Variants in KATNAL1 observed in about 807,000 individuals in gnomAD.
KATNAL1 encodes katanin p60 ATPase-containing subunit A-like 1.
A neutral mutation model predicts 55.2 loss-of-function variants in KATNAL1; 32 were observed. The observed-to-expected ratio is 0.58, with a 90% CI of 0.44 to 0.78. The LOEUF is 0.78. KATNAL1 is among the 30% of genes least tolerant of loss of function. The pLI, the probability that KATNAL1 is intolerant of heterozygous loss-of-function variation, is 0.00. For synonymous variants in KATNAL1, 193 were observed against 193.6 expected (o/e 1.00, Z 0.02); for missense variants, 466 against 600.9 (o/e 0.78, Z 2.35).
chr13:30,221,095 A>G (rs1434392610), intron 9 of KATNAL1, among the ~76,000 whole-genome samples: 1 of 152,244 alleles, frequency 6.6e-6, no homozygotes. Context: ...AAAAGATAAT[A>G]TAAGATGGAA....
intron 9 of KATNAL1, among the ~76,000 whole-genome samples, chr13:30,213,195 C>T (rs568318813): frequency 5.3e-4 from 81 of 152,236 alleles, no homozygotes; most frequent in Middle Eastern, 3.4e-3. Flanking sequence ...AATTCCTCGA[C>T]ACATACACCC....
In KATNAL1 at chr13:30,221,690, C is replaced by T. The variant is rs533304855; in HGVS notation, c.1147+5722G>A. Among the ~76,000 whole-genome samples the T allele has an allele frequency of 2.0e-5, 3 of 152,252 alleles. No homozygotes were observed. The East Asian group carries it at 5.8e-4, about 29-fold the overall frequency. ...GAGTGGCGTAGCTAGAAAGTTCCAG[C>T]TTGGGGTCTGTGATGGTTAATTTTA... On this transcript the variant is annotated intron_variant, in intron 9 of 10. Transcript: ENST00000380615.
intron 1 of KATNAL1, among the ~76,000 whole-genome samples, chr13:30,301,311 T>C (rs1488537581): frequency 6.6e-6 from 1 of 152,056 alleles, no homozygotes; most frequent in African/African-American, 2.4e-5. Flanking sequence ...GAGGTTGCAG[T>C]GAGCCGAGAT....
At chr13:30,245,966 A>C (rs1877753755) in intron 4 of KATNAL1, among the ~76,000 whole-genome samples, 1 of 152,228 alleles carries the variant, frequency 6.6e-6, no homozygotes, top group Non-Finnish European at 1.5e-5. Flanking sequence ...AAATGGCCAT[A>C]CTGCCCAACG....
intron 1 of KATNAL1, among the ~76,000 whole-genome samples, chr13:30,288,703 C>G (rs193253655): frequency 5.9e-5 from 9 of 152,322 alleles, no homozygotes; most frequent in African/African-American, 2.2e-4. Context: ...ACAGCAGTTT[C>G]TCACATTCAG....
chr13:30,287,376 G>C (rs1215708521), intron 1 of KATNAL1, among the ~76,000 whole-genome samples: 5 of 152,186 alleles, frequency 3.3e-5, no homozygotes, highest in Non-Finnish European at 7.3e-5. Flanking sequence ...ATAAGCATCT[G>C]CCATTTCCCC....
At chr13:30,291,350 T>C (rs572380749) in intron 1 of KATNAL1, among the ~76,000 whole-genome samples, 17 of 152,352 alleles carry the variant, frequency 1.1e-4, no homozygotes, top group Non-Finnish European at 2.1e-4. Flanking sequence ...TATTCAGGGA[T>C]AAATTTAACA....
Position 30,230,643 on chromosome 13 carries a change from T to A in KATNAL1, c.886-49A>T, listed in dbSNP as rs937848860. On this transcript the variant is annotated intron_variant, in intron 7 of 10. Transcript: ENST00000380615. ...ATCATTCAATAATCTCATAAAACAATTGGAGTATTTAAAAAAATCTTTTAA... is the reference window on the plus strand; with the variant it reads ...ATCATTCAATAATCTCATAAAACAAATGGAGTATTTAAAAAAATCTTTTAA... 3 of 1,389,920 alleles carry A rather than the reference T, an allele frequency of 2.2e-6. No homozygotes were observed. In the Admixed American group the frequency reaches 6.9e-5, roughly 32 times the overall value. 86.1% of individuals were successfully genotyped at this position (1,389,920 alleles called of 1,614,324 possible).
intron 9 of KATNAL1, among the ~76,000 whole-genome samples, chr13:30,222,863 T>A (rs1875016462): frequency 6.7e-6 from 1 of 150,270 alleles, no homozygotes; most frequent in Admixed American, 6.6e-5. Context: ...GAGGCCAAGG[T>A]GGGTGAATCA....
At chr13:30,208,948 G>A (rs375985562) in intron 10 of KATNAL1, among the ~76,000 whole-genome samples, 5 of 152,106 alleles carry the variant, frequency 3.3e-5, no homozygotes, top group East Asian at 1.9e-4. Context: ...TATAGTTAAC[G>A]AACCCTAAAA....
chr13:30,270,831 T>A (rs1224722552), intron 3 of KATNAL1, among the ~76,000 whole-genome samples: 1 of 151,014 alleles, frequency 6.6e-6, no homozygotes, highest in Non-Finnish European at 1.5e-5. Flanking sequence ...CACTTGTTTA[T>A]CTGCTGACCT....
At chr13:30,225,867 G>C (rs1375461168) in intron 9 of KATNAL1, among the ~76,000 whole-genome samples, 2 of 151,556 alleles carry the variant, frequency 1.3e-5, no homozygotes, top group African/African-American at 2.4e-5. Context: ...ATACCATAAA[G>C]AAAATCAAAA....
intron 2 of KATNAL1, chr13:30,281,900 C>T (rs892208260): frequency 1.3e-5 from 2 of 152,034 alleles, no homozygotes; most frequent in Non-Finnish European, 2.9e-5. Flanking sequence ...AAGGATGTTA[C>T]GTTGTTTTAG....
intron 1 of KATNAL1, among the ~76,000 whole-genome samples, chr13:30,306,135 G>A (rs548817364): frequency 6.6e-6 from 1 of 152,068 alleles, no homozygotes; most frequent in South Asian, 2.1e-4. Flanking sequence ...TTCTAGGATG[G>A]TTATCTACCT....
Position 30,255,579 on chromosome 13 carries a change from T to C in KATNAL1, c.360A>G (p.Val120=). ...CTGCCATTTCTTTCCTCAGAGGTCT[T>C]ACTTCTCGATTGGGACGCCTGATCT... ...PPQIRRPNRE[V]RPLRKEMAGV... Residue 120 remains valine, a synonymous_variant, in exon 4 of 11, where the codon GTA becomes GTG. Transcript: ENST00000380615. 1 of 1,559,440 alleles carries C rather than the reference T, an allele frequency of 6.4e-7. No individual in the cohort carries two copies. Among genetic ancestry groups the C allele is most frequent in the Non-Finnish European group, 8.7e-7 (1 of 1,152,454 alleles).
intron 10 of KATNAL1, 25 bp from the exon 11 acceptor site, chr13:30,208,763 A>G: frequency 6.5e-7 from 1 of 1,527,990 alleles, no homozygotes; most frequent in Non-Finnish European, 8.9e-7. Context: ...AAATCAGTCA[A>G]CAGTAATTTT....
chr13:30,259,651 T>A (rs1879096594), intron 3 of KATNAL1, among the ~76,000 whole-genome samples: 1 of 152,348 alleles, frequency 6.6e-6, no homozygotes, highest in South Asian at 2.1e-4. Context: ...ACCTGAATGC[T>A]GCGCTTTTCT....
At chr13:30,234,123 A>C (rs965821025) in intron 6 of KATNAL1, among the ~76,000 whole-genome samples, 17 of 152,190 alleles carry the variant, frequency 1.1e-4, no homozygotes, top group Non-Finnish European at 2.4e-4. Context: ...TACTGATTGG[A>C]TCTTTACAAA....
In KATNAL1 at chr13:30,206,391, C is replaced by G. The variant is rs912704216; in HGVS notation, c.*2149G>C. On this transcript the variant is annotated 3_prime_UTR_variant, in exon 11 of 11. Transcript: ENST00000380615. ...AGATATACAAAGCATCTACCATCCA[C>G]TGACAGGGCAAAATGAGAAACAAGG... 8 of 152,144 alleles carry G rather than the reference C, an allele frequency of 5.3e-5. No individual in the cohort carries two copies. The highest frequency in any genetic ancestry group is 1.9e-4 in the African/African-American group (8 of 41,446). 9.4% of individuals were successfully genotyped at this position (152,144 alleles called of 1,614,324 possible).
Sources: gnomAD v4.1 joint callset for allele counts (sites outside exome capture counted in the v4.1 genomes callset) on GRCh38, gnomAD v4.1.1 for gene constraint, MANE v1.5 for transcripts, NCBI Gene and HGNC (gene_info 2026-07-23, HGNC 2026-07-21) for gene names.